The following CTNND2 variants were observed in gnomAD, a reference collection of about 807,000 sequenced individuals.
The protein encoded by CTNND2 is catenin delta-2.
A neutral mutation model predicts 144.4 loss-of-function variants in CTNND2; 22 were observed. That is an observed-to-expected ratio of 0.15 (90% confidence interval 0.11 to 0.22). The LOEUF (loss-of-function observed/expected upper bound fraction) is 0.22. CTNND2 is among the 10% of genes least tolerant of loss of function. The pLI, the probability that CTNND2 is intolerant of heterozygous loss-of-function variation, is 1.00. For synonymous variants in CTNND2, 751 were observed against 695.6 expected (o/e 1.08, Z -1.25); for missense variants, 1,353 against 1,618.8 (o/e 0.84, Z 2.82).
chr5:11,292,762 T>C (rs1393404780), intron 9 of CTNND2, among the ~76,000 whole-genome samples: 1 of 152,120 alleles, frequency 6.6e-6, no homozygotes, highest in Admixed American at 6.6e-5. Flanking sequence ...AACAGACTAA[T>C]ACACACATAC....
chr5:11,554,433 T>A (rs1054107959), intron 3 of CTNND2, among the ~76,000 whole-genome samples: 14 of 152,324 alleles, frequency 9.2e-5, no homozygotes, highest in African/African-American at 3.4e-4. Flanking sequence ...TTTGAATGCA[T>A]GTGCTTGGGG....
intron 2 of CTNND2, among the ~76,000 whole-genome samples, chr5:11,628,192 AAGAC>A (rs1164616218): frequency 6.6e-6 from 1 of 152,326 alleles, no homozygotes; most frequent in South Asian, 2.1e-4. Flanking sequence ...TAAATCCAAA[AAGAC>A]AGAATTTAAA....
chr5:11,173,618 T>C (rs1367246766), intron 11 of CTNND2, among the ~76,000 whole-genome samples: 5 of 152,196 alleles, frequency 3.3e-5, no homozygotes, highest in Admixed American at 1.3e-4. Flanking sequence ...ACTGTCATAA[T>C]TGGGTTTTTG....
chr5:11,035,019 C>T (rs1221907707), intron 16 of CTNND2, among the ~76,000 whole-genome samples: 2 of 121,286 alleles, frequency 1.6e-5, no homozygotes, highest in Non-Finnish European at 3.4e-5. Context: ...CTATCCCTCC[C>T]CCCTCCCCCC....
At chr5:11,722,294 C>A (rs12332224) in intron 2 of CTNND2, among the ~76,000 whole-genome samples, 1 of 151,976 alleles carries the variant, frequency 6.6e-6, no homozygotes, top group Non-Finnish European at 1.5e-5. Flanking sequence ...CAAATCCTCC[C>A]AGCATTTTCT....
chr5:11,251,257 C>T (rs1743620804), intron 9 of CTNND2, among the ~76,000 whole-genome samples: 1 of 152,170 alleles, frequency 6.6e-6, no homozygotes. Flanking sequence ...AAATAAATGC[C>T]TGACAGTTCC....
chr5:11,819,080 G>A (rs1409719429), intron 1 of CTNND2, among the ~76,000 whole-genome samples: 5 of 152,154 alleles, frequency 3.3e-5, no homozygotes, highest in Admixed American at 1.3e-4. Flanking sequence ...AATTGAAACA[G>A]TATCTGTACA....
chr5:11,507,202 G>T (rs918627681), intron 3 of CTNND2, among the ~76,000 whole-genome samples: 1 of 152,160 alleles, frequency 6.6e-6, no homozygotes, highest in Non-Finnish European at 1.5e-5. Flanking sequence ...GGCTAAGGAT[G>T]TTCCTACATA....
intron 9 of CTNND2, among the ~76,000 whole-genome samples, chr5:11,291,946 AT>A (rs112876686): frequency 1.6e-4 from 25 of 151,752 alleles, no homozygotes; most frequent in Admixed American, 3.9e-4. Flanking sequence ...GTTTCCCTAA[AT>A]TTAAAAAAAA....
chr5:11,222,221 C>G (rs1270618797), intron 10 of CTNND2, among the ~76,000 whole-genome samples: 1 of 152,008 alleles, frequency 6.6e-6, no homozygotes, highest in Non-Finnish European at 1.5e-5. Context: ...GGAAGCATGG[C>G]CCAAAGAAGA....
chr5:11,743,844 C>T (rs1463765939), intron 1 of CTNND2, among the ~76,000 whole-genome samples: 2 of 152,130 alleles, frequency 1.3e-5, no homozygotes, highest in African/African-American at 4.8e-5. Context: ...GGAGGGTCAA[C>T]ATAGCTTGGT....
chr5:11,790,240 T>C (rs1310095886), intron 1 of CTNND2, among the ~76,000 whole-genome samples: 4 of 152,190 alleles, frequency 2.6e-5, no homozygotes, highest in Admixed American at 2.6e-4. Context: ...CAATTTGAAT[T>C]GCATCATGTC....
chr5:11,397,002 A>G (rs373434245), intron 6 of CTNND2, 29 bp downstream of exon 6: 3 of 1,591,974 alleles, frequency 1.9e-6, no homozygotes, highest in African/African-American at 2.7e-5. Flanking sequence ...CTTGGAGTCC[A>G]CTGACACCAT....
chr5:11,073,129 T>A (rs1580204936), intron 16 of CTNND2, among the ~76,000 whole-genome samples: 1 of 152,386 alleles, frequency 6.6e-6, no homozygotes, highest in Non-Finnish European at 1.5e-5. Context: ...AATCCATTAA[T>A]TTTTAGTATT....
At chr5:11,585,957 A>AAAAAGT (rs1366342518) in intron 2 of CTNND2, among the ~76,000 whole-genome samples, 1 of 152,148 alleles carries the variant, frequency 6.6e-6, no homozygotes, top group Non-Finnish European at 1.5e-5. Context: ...CTGCAGGAGC[A>AAAAAGT]AAAAGTGAGA....
intron 1 of CTNND2, among the ~76,000 whole-genome samples, chr5:11,790,909 T>C (rs1791095931): frequency 6.6e-6 from 1 of 152,240 alleles, no homozygotes; most frequent in African/African-American, 2.4e-5. Context: ...TCAGTGAACA[T>C]GATCTTATTC....
intron 3 of CTNND2, among the ~76,000 whole-genome samples, chr5:11,497,895 A>G (rs1026420570): frequency 3.9e-5 from 6 of 152,120 alleles, no homozygotes; most frequent in Non-Finnish European, 5.9e-5. Context: ...AATGTGATTC[A>G]GCCAATGGGA....
intron 14 of CTNND2, among the ~76,000 whole-genome samples, chr5:11,099,798 AG>A (rs1040460269): frequency 1.3e-5 from 2 of 152,206 alleles, no homozygotes; most frequent in African/African-American, 4.8e-5. Context: ...CTATGCTTTT[AG>A]AAAAAAATAC....
intron 2 of CTNND2, among the ~76,000 whole-genome samples, chr5:11,671,959 T>G (rs1783894787): frequency 6.6e-6 from 1 of 152,080 alleles, no homozygotes; most frequent in Admixed American, 6.5e-5. Flanking sequence ...ATGGAGGGGG[T>G]CTCTGAGTAG....
Sources: gnomAD v4.1 joint callset for allele counts (sites outside exome capture counted in the v4.1 genomes callset) on GRCh38, gnomAD v4.1.1 for gene constraint, MANE v1.5 for transcripts, NCBI Gene and HGNC (gene_info 2026-07-23, HGNC 2026-07-21) for gene names.